SMARCA2: variants seen among roughly 807,000 people sequenced by gnomAD.
SMARCA2 encodes the protein SWI/SNF-related matrix-associated actin-dependent regulator of chromatin subfamily A member 2.
Under a neutral mutation model 199.8 loss-of-function variants are expected in SMARCA2, and 61 were observed. The observed-to-expected ratio is 0.31, with a 90% CI of 0.25 to 0.38. SMARCA2 has a LOEUF of 0.38. SMARCA2 is among the 10% of genes least tolerant of loss of function. SMARCA2 has a pLI of 1.00. For synonymous variants in SMARCA2, 935 were observed against 732.0 expected (o/e 1.28, Z -4.48); for missense variants, 1,344 against 2,012.2 (o/e 0.67, Z 6.35).
At chr9:2,041,444 G>C in intron 4 of SMARCA2, 1 of 398,580 alleles carries the variant, frequency 2.5e-6, no homozygotes, top group Admixed American at 4.4e-5. Context: ...CATGGCAGAA[G>C]AGACAAGGCA....
rs1822337520 is a variant in SMARCA2, at chr9:2,097,837, A to T, written c.3078+366A>T. Among the ~76,000 whole-genome samples, 4 of 152,236 alleles carry T rather than the reference A, an allele frequency of 2.6e-5. No individual in the cohort carries two copies. The South Asian group carries it at 6.2e-4, about 24-fold the overall frequency. On this transcript the variant is annotated intron_variant, in intron 21 of 33. Coordinates refer to ENST00000349721, the MANE Select transcript of SMARCA2 (RefSeq NM_003070.5). ...TAAATACATTCAGCTTCCTCAAAAG[A>T]ATGCCGTGAAAAATATTAAAATAAT... is the stretch of plus-strand genomic sequence containing the variant.
chr9:2,072,135 ATACTG>A (rs1431479256), intron 10 of SMARCA2: 1 of 152,216 alleles, frequency 6.6e-6, no homozygotes, highest in Non-Finnish European at 1.5e-5. Context: ...AAACGATAGC[ATACTG>A]TAGGTTATCC....
At chr9:2,180,890 C>CTT (rs1251221363) in intron 29 of SMARCA2, among the ~76,000 whole-genome samples, 1 of 152,186 alleles carries the variant, frequency 6.6e-6, no homozygotes, top group Non-Finnish European at 1.5e-5. Flanking sequence ...AGCATCCACA[C>CTT]TTAAGCTTGT....
Position 2,086,677 on chromosome 9 carries a change from G to A in SMARCA2, c.2527-152G>A. 2 of 774,998 alleles carry A rather than the reference G, an allele frequency of 2.6e-6. No individual in the cohort carries two copies. Among genetic ancestry groups the A allele is most frequent in the South Asian group, 1.7e-5 (1 of 59,922 alleles). 48.0% of individuals were successfully genotyped at this position (774,998 alleles called of 1,614,324 possible). On this transcript the variant is annotated intron_variant, in intron 17 of 33. Coordinates refer to ENST00000349721, the MANE Select transcript of SMARCA2 (RefSeq NM_003070.5). The surrounding 1 kb of genome is among the most constrained non-coding windows in gnomAD (Gnocchi z 4.3). ...GTCTTATGCGGCCTATCAGGCATGA[G>A]ACATTGTTGAGATTCCCTTGTCTCA...
intron 4 of SMARCA2, chr9:2,041,544 C>T: frequency 2.5e-6 from 1 of 397,086 alleles, no homozygotes; most frequent in Non-Finnish European, 4.4e-6. Context: ...ACCCCACCTT[C>T]TAATACCATC....
chr9:2,178,447 G>T (rs1826777820), intron 29 of SMARCA2, among the ~76,000 whole-genome samples: 1 of 152,096 alleles, frequency 6.6e-6, no homozygotes, highest in Non-Finnish European at 1.5e-5. Context: ...GCCTTAAATT[G>T]TGTAAAATGA....
At chr9:2,046,448 G>T (rs1819847644) in intron 4 of SMARCA2, among the ~76,000 whole-genome samples, 1 of 152,128 alleles carries the variant, frequency 6.6e-6, no homozygotes, top group Non-Finnish European at 1.5e-5. Flanking sequence ...GGAATGAGCA[G>T]ATTTTTTTTG....
chr9:2,182,355 A>T (rs1827096562), intron 31 of SMARCA2, 113 bp downstream of exon 31: 2 of 674,598 alleles, frequency 3.0e-6, no homozygotes, highest in South Asian at 3.7e-5. Flanking sequence ...GCAGAAGAAA[A>T]ATAACTAAAA....
intron 29 of SMARCA2, among the ~76,000 whole-genome samples, chr9:2,178,201 A>G (rs1260321590): frequency 6.6e-6 from 1 of 152,020 alleles, no homozygotes; most frequent in Non-Finnish European, 1.5e-5. Flanking sequence ...TGAAGAGGAG[A>G]GGTTCTTGTC....
At chr9:2,076,526 C>A (rs191253033) in intron 13 of SMARCA2, among the ~76,000 whole-genome samples, 197 bp downstream of exon 13, 1 of 151,128 alleles carries the variant, frequency 6.6e-6, no homozygotes, top group South Asian at 2.1e-4. Context: ...TCCCTCCCTC[C>A]CTTCCTTCCT....
chr9:2,044,666 G>A (rs1313320528), intron 4 of SMARCA2: 1 of 152,212 alleles, frequency 6.6e-6, no homozygotes, highest in African/African-American at 2.4e-5. Flanking sequence ...CAGATTGGTT[G>A]AGTAACTTGC....
At chr9:2,064,719 C>A (rs1333447593) in intron 9 of SMARCA2, among the ~76,000 whole-genome samples, 2 of 152,114 alleles carry the variant, frequency 1.3e-5, no homozygotes, top group African/African-American at 4.8e-5. Flanking sequence ...ATAAACTCTG[C>A]CTACCACCCT....
Position 2,110,312 on chromosome 9 carries a change from C to G in SMARCA2, c.3351C>G (p.Ser1117=). ...TGAAGAAATTCAATGAACCTGGATC[C>G]CAGTATTTCATTTTCTTGCTGAGCA... The part of the protein sequence containing the change: ...ALLKKFNEPG[S]QYFIFLLSTR... Residue 1117 remains serine, a synonymous_variant, in exon 24 of 34, where the codon TCC becomes TCG. Coordinates refer to ENST00000349721, the MANE Select transcript of SMARCA2 (RefSeq NM_003070.5). This position sits in a 1 kb window ranked among gnomAD's most constrained non-coding sequence, Gnocchi z 4.8. 1 of 1,613,514 alleles carries G rather than the reference C, an allele frequency of 6.2e-7. No homozygotes were observed. Among genetic ancestry groups the G allele is most frequent in the Non-Finnish European group, 8.5e-7 (1 of 1,179,654 alleles).
intron 21 of SMARCA2, among the ~76,000 whole-genome samples, chr9:2,100,067 G>A (rs1822443934): frequency 6.6e-6 from 1 of 152,228 alleles, no homozygotes; most frequent in South Asian, 2.1e-4. Flanking sequence ...GGAAAGATCT[G>A]GTCCCCTTGG....
At chr9:2,124,729 C>A (rs989086652) in intron 27 of SMARCA2, among the ~76,000 whole-genome samples, 1 of 152,140 alleles carries the variant, frequency 6.6e-6, no homozygotes, top group African/African-American at 2.4e-5. Flanking sequence ...ACTGAAATCT[C>A]AGAACGTTCC....
At chr9:2,154,782 G>A (rs1038379988) in intron 27 of SMARCA2, among the ~76,000 whole-genome samples, 1 of 152,202 alleles carries the variant, frequency 6.6e-6, no homozygotes, top group South Asian at 2.1e-4. Context: ...TATTCTTTGT[G>A]AGCATTAAAA....
At chr9:2,052,648 C>A (rs946330567) in intron 5 of SMARCA2, among the ~76,000 whole-genome samples, 1 of 152,174 alleles carries the variant, frequency 6.6e-6, no homozygotes, top group Admixed American at 6.5e-5. Flanking sequence ...GTTTTCCTTA[C>A]CACCATTTTT....
In SMARCA2 at chr9:2,017,127, G is replaced by A. The variant is rs1414537788; in HGVS notation, c.-37+1723G>A. 6.6e-6 allele frequency: 1 copy of A among 152,398 alleles called. No individual in the cohort carries two copies. The highest frequency in any genetic ancestry group is 6.5e-5 in the Admixed American group (1 of 15,284). 9.4% of individuals were successfully genotyped at this position (152,398 alleles called of 1,614,324 possible). ...GGGAAATCGCCTCCTGCCAGTGTCT[G>A]ATCGCTCGCCTCCGCCTCCGCCTCT... On this transcript the variant is annotated intron_variant, in intron 1 of 33. Transcript: ENST00000349721. This position sits in a 1 kb window ranked among gnomAD's most constrained non-coding sequence, Gnocchi z 8.8.
rs1822319936 is a variant in SMARCA2, at chr9:2,097,489, G to C, written c.3078+18G>C. The C allele has an allele frequency of 6.7e-7, 1 of 1,484,052 alleles. No homozygotes were observed. 91.9% of individuals were successfully genotyped at this position (1,484,052 alleles called of 1,614,324 possible). A position where few individuals can be genotyped will look rare whatever the true frequency, so the allele number is the denominator to read the frequency against. On this transcript the variant is annotated intron_variant, in intron 21 of 33. Coordinates refer to ENST00000349721, the MANE Select transcript of SMARCA2 (RefSeq NM_003070.5). Reference sequence around the variant, plus strand: ...ACATTGAGGTAAGTCTGTATTGTGTGTTTTGAGCCTGATTGTGCTAATCAT... The same window carrying C: ...ACATTGAGGTAAGTCTGTATTGTGTCTTTTGAGCCTGATTGTGCTAATCAT...
Sources: allele counts gnomAD v4.1 joint callset (sites outside exome capture counted in the v4.1 genomes callset), GRCh38; gene constraint gnomAD v4.1.1; non-coding constraint Gnocchi (gnomAD v3.1); transcripts MANE v1.5; gene names NCBI Gene and HGNC (gene_info 2026-07-23, HGNC 2026-07-21).